The following LRTM1 variants were observed in gnomAD, a reference collection of about 807,000 sequenced individuals.
The protein encoded by LRTM1 is leucine rich repeat transmembrane protein 1.
LRTM1 carries 38 observed loss-of-function variants against 32.4 expected under a neutral mutation model. The observed-to-expected ratio is 1.17, with a 90% CI of 0.91 to 1.54. The LOEUF is 1.54. Ranked by LOEUF, LRTM1 falls within the 40% of genes most tolerant of loss-of-function variation. The pLI is 0.00. For missense variants in LRTM1, 466 were observed against 415.4 expected (o/e 1.12, Z -1.06); for synonymous variants, 186 against 169.9 (o/e 1.09, Z -0.74).
upstream of LRTM1, among the ~76,000 whole-genome samples, chr3:54,929,264 A>G (rs1411043756): frequency 1.3e-5 from 2 of 152,176 alleles, no homozygotes; most frequent in Non-Finnish European, 2.9e-5. Context: ...ATATGGCAGT[A>G]CACGACATGG....
intron 1 of LRTM1, among the ~76,000 whole-genome samples, chr3:54,926,788 T>C (rs1020132077): frequency 5.3e-5 from 8 of 151,964 alleles, no homozygotes; most frequent in Middle Eastern, 3.4e-3. Flanking sequence ...TTTTTCTTCA[T>C]TCTAAATGAT....
At position 54,941,528 on chromosome 3, in the gene LRTM1, T is replaced by C. The variant is rs546860016; in HGVS notation, c.-221-16313A>G. ...TCGTTTTTATAATGCCGGGATTATG[T>C]GGGTGAGCAGTAAATAAAATCTTAA... On this transcript the variant is annotated intron_variant, in intron 1 of 2. Transcript: ENST00000493075. 1.6e-3 allele frequency among the ~76,000 whole-genome samples: 244 copies of C among 152,286 alleles called. 1 individual carries two copies. Among genetic ancestry groups the C allele is most frequent in the African/African-American group, 5.6e-3 (233 of 41,564 alleles).
chr3:54,938,141 T>C (rs575915188), intron 1 of LRTM1, among the ~76,000 whole-genome samples: 45 of 152,320 alleles, frequency 3.0e-4, no homozygotes, highest in Non-Finnish European at 4.9e-4. Context: ...GGCAGCAGAA[T>C]GGCAGAGTTG....
Position 54,918,469 on chromosome 3 carries a change from G to A in LRTM1, c.1028C>T (p.Ser343Leu), listed in dbSNP as rs990911720. 1.9e-6 allele frequency: 3 copies of A among 1,612,494 alleles called. No individual in the cohort carries two copies. The highest frequency in any genetic ancestry group is 1.7e-4 in the Middle Eastern group (1 of 6,054). The part of the protein sequence containing the change: ...KVEEKERFDS[S>L]PA ...TTGAGACAAAAGCTCTCAGGCTGGT[G>A]AGCTGTCAAATCGCTCTTTTTCTTC... The change falls in exon 3 of 3, where the codon TCA (serine) becomes TTA (leucine). Residue 343 changes from serine to leucine, a missense_variant. By Grantham distance (145) the Ser-to-Leu change is moderately radical. Transcript: ENST00000273286.
At chr3:54,921,182 AGCTCTTC>A (rs1271547108) in intron 2 of LRTM1, among the ~76,000 whole-genome samples, 1 of 24,918 alleles carries the variant, frequency 4.0e-5, no homozygotes, top group Non-Finnish European at 7.0e-5. Context: ...GATCACTAGT[AGCTCTTC>A]ACCTCTGTCT....
At chr3:54,957,216 G>A (rs1701920922) in intron 1 of LRTM1, among the ~76,000 whole-genome samples, 2 of 151,196 alleles carry the variant, frequency 1.3e-5, no homozygotes. Context: ...CTGGAGTTCA[G>A]TGGCACAATC....
intron 1 of LRTM1, among the ~76,000 whole-genome samples, chr3:54,959,659 A>G (rs1327760879): frequency 6.6e-6 from 1 of 152,182 alleles, no homozygotes; most frequent in East Asian, 1.9e-4. Context: ...TTTTTAAAGG[A>G]CATTGATTTG....
chr3:54,918,756 G>C lies in LRTM1; in HGVS notation c.741C>G (p.Pro247=). The C allele has an allele frequency of 6.2e-7, 1 of 1,614,088 alleles. No homozygotes were observed. ...TCAGGACCACACCGTGGGCAGAGCCGGGCCACTGAGCCTGCGAGGACACTG... is the reference window on the plus strand; with the variant it reads ...TCAGGACCACACCGTGGGCAGAGCCCGGCCACTGAGCCTGCGAGGACACTG... ...PDPVSSQAQW[P]GSAHGVVLRP... is the part of the protein sequence containing the mutation. Residue 247 remains proline (P), a synonymous_variant, in exon 3 of 3, where the codon CCC becomes CCG. Transcript: ENST00000273286.
upstream of LRTM1, among the ~76,000 whole-genome samples, chr3:54,931,396 C>G (rs1484007741): frequency 1.3e-5 from 2 of 152,168 alleles, no homozygotes; most frequent in African/African-American, 4.8e-5. Flanking sequence ...TGACCTCAGC[C>G]AAGAGAACAA....
intron 1 of LRTM1, among the ~76,000 whole-genome samples, chr3:54,942,349 T>C (rs1701493077): frequency 1.3e-5 from 2 of 152,220 alleles, no homozygotes; most frequent in Admixed American, 6.5e-5. Context: ...CCCTGAGTTC[T>C]GCCATCCCCT....
intron 1 of LRTM1, among the ~76,000 whole-genome samples, chr3:54,959,125 A>G (rs936192415): frequency 2.6e-5 from 4 of 152,160 alleles, no homozygotes; most frequent in African/African-American, 7.2e-5. Flanking sequence ...TTATCTGGCA[A>G]TCCTATTAGA....
chr3:54,927,975 A>T lies in LRTM1; in HGVS notation c.-64T>A. The T allele has an allele frequency of 6.6e-7, 1 of 1,523,062 alleles. No individual in the cohort carries two copies. The highest frequency in any genetic ancestry group is 1.7e-5 in the Admixed American group (1 of 59,758). 94.3% of individuals were successfully genotyped at this position (1,523,062 alleles called of 1,614,324 possible). On this transcript the variant is annotated 5_prime_UTR_variant, in exon 1 of 3. Coordinates refer to ENST00000273286, the MANE Select transcript of LRTM1 (RefSeq NM_020678.4). The stretch of plus-strand genomic sequence containing the variant: ...CCCTTTAATTAATGTGCAGAGCAAC[A>T]CACGAAGGGCATGGCAGACTCAGAG...
At chr3:54,951,640 G>A (rs539819177) in intron 1 of LRTM1, among the ~76,000 whole-genome samples, 2 of 151,612 alleles carry the variant, frequency 1.3e-5, no homozygotes, top group Admixed American at 1.3e-4. Context: ...AGGCGTGCAG[G>A]GCTCCAGTCC....
chr3:54,924,548 G>T, intron 2 of LRTM1, 71 bp downstream of exon 2: 1 of 1,256,038 alleles, frequency 8.0e-7, no homozygotes, highest in Non-Finnish European at 1.1e-6. Flanking sequence ...TCTTTCTAAT[G>T]CAGAGAACAG....
At chr3:54,939,716 G>C (rs772802851) in intron 1 of LRTM1, among the ~76,000 whole-genome samples, 1 of 152,212 alleles carries the variant, frequency 6.6e-6, no homozygotes, top group East Asian at 1.9e-4. Flanking sequence ...GCCCCTGCAG[G>C]CCCACCCTCT....
chr3:54,942,336 T>C (rs1167518604), intron 1 of LRTM1, among the ~76,000 whole-genome samples: 2 of 152,094 alleles, frequency 1.3e-5, no homozygotes, highest in African/African-American at 2.4e-5. Context: ...GGCTGACCTC[T>C]CCCCCTGAGT....
intron 1 of LRTM1, among the ~76,000 whole-genome samples, chr3:54,943,332 G>A (rs778235209): frequency 5.8e-4 from 89 of 152,168 alleles, no homozygotes; most frequent in Non-Finnish European, 1.0e-3. Context: ...TAGTGTCTCT[G>A]TTTCTCACTG....
intron 1 of LRTM1, among the ~76,000 whole-genome samples, chr3:54,943,821 C>A (rs747066773): frequency 6.6e-6 from 1 of 152,166 alleles, no homozygotes; most frequent in Non-Finnish European, 1.5e-5. Flanking sequence ...CCTAAGACTT[C>A]TCTTCCCTAT....
At chr3:54,931,044 C>T (rs975383058), upstream of LRTM1, among the ~76,000 whole-genome samples, 5 of 152,108 alleles carry the variant, frequency 3.3e-5, no homozygotes, top group African/African-American at 9.7e-5. Flanking sequence ...TGTAGTGAGC[C>T]GAGATCGTGC....
Sources: allele counts gnomAD v4.1 joint callset (sites outside exome capture counted in the v4.1 genomes callset), GRCh38; gene constraint gnomAD v4.1.1; transcripts MANE v1.5; gene names NCBI Gene and HGNC (gene_info 2026-07-23, HGNC 2026-07-21).